The following COL21A1 variants were observed in gnomAD, a reference collection of about 807,000 sequenced individuals.
COL21A1 encodes collagen alpha-1(XXI) chain.
Under a neutral mutation model 137.9 loss-of-function variants are expected in COL21A1, and 149 were observed. That is an observed-to-expected ratio of 1.08 (90% CI 0.95 to 1.24). COL21A1 has a LOEUF of 1.24. Ranked by LOEUF, COL21A1 falls within the 50% of genes most tolerant of loss-of-function variation. The pLI is 0.00. For missense variants in COL21A1, 1,167 were observed against 1,158.4 expected (o/e 1.01, Z -0.11); for synonymous variants, 456 against 391.5 (o/e 1.16, Z -1.95).
intron 12 of COL21A1, among the ~76,000 whole-genome samples, chr6:56,137,388 A>C (rs1463182893): frequency 6.6e-6 from 1 of 152,206 alleles, no homozygotes; most frequent in Non-Finnish European, 1.5e-5. Context: ...TTTTCCTCTC[A>C]GAAAAAATAA....
At chr6:56,191,316 A>G (rs1778656145) in intron 1 of COL21A1, among the ~76,000 whole-genome samples, 1 of 151,626 alleles carries the variant, frequency 6.6e-6, no homozygotes, top group Non-Finnish European at 1.5e-5. Context: ...AATAACAGAC[A>G]AACAGAGAGC....
chr6:56,244,499 C>A (rs1433892073), intron 1 of COL21A1, among the ~76,000 whole-genome samples: 1 of 152,012 alleles, frequency 6.6e-6, no homozygotes, highest in Non-Finnish European at 1.5e-5. Context: ...AATAGAAAAC[C>A]CTATTTATAA....
At chr6:56,309,365 C>G (rs1358222168) in intron 1 of COL21A1, among the ~76,000 whole-genome samples, 1 of 152,156 alleles carries the variant, frequency 6.6e-6, no homozygotes, top group Non-Finnish European at 1.5e-5. Flanking sequence ...TCAGATCACC[C>G]TTTTTGCAGG....
chr6:56,249,831 C>T (rs141264600), upstream of COL21A1, among the ~76,000 whole-genome samples: 1,215 of 152,256 alleles, frequency 8.0e-3, 20 homozygotes, highest in African/African-American at 0.028. Flanking sequence ...CTAAAAACTA[C>T]TGAATTGTTG....
intron 17 of COL21A1, among the ~76,000 whole-genome samples, chr6:56,098,620 T>A (rs1358951877): frequency 1.2e-4 from 7 of 59,154 alleles, no homozygotes; most frequent in Admixed American, 5.5e-4. Flanking sequence ...TATATAAATA[T>A]ATATAAATAT....
chr6:56,372,657 G>A (rs1334712785), intron 1 of COL21A1, among the ~76,000 whole-genome samples: 2 of 152,108 alleles, frequency 1.3e-5, no homozygotes, highest in Admixed American at 1.3e-4. Flanking sequence ...TGGAGTGGGG[G>A]GAAAAAAGCT....
In COL21A1 at chr6:56,150,813, C is replaced by G. The variant is rs867071642; in HGVS notation, c.1434+6074G>C. 7.2e-5 allele frequency among the ~76,000 whole-genome samples: 11 copies of G among 152,294 alleles called. No homozygotes were observed. The Middle Eastern group carries it at 0.01, about 141-fold the overall frequency. Reference sequence around the variant, plus strand: ...TGGAACCATCTTCTCATTTTCCAAACAGAGAAACTGAGGCCCATAAAAGCA... The same window carrying G: ...TGGAACCATCTTCTCATTTTCCAAAGAGAGAAACTGAGGCCCATAAAAGCA... On this transcript the variant is annotated intron_variant, in intron 10 of 29. Coordinates refer to ENST00000244728, the MANE Select transcript of COL21A1 (RefSeq NM_030820.4).
At chr6:56,093,513 A>G (rs1769048500) in intron 17 of COL21A1, among the ~76,000 whole-genome samples, 1 of 147,424 alleles carries the variant, frequency 6.8e-6, no homozygotes, top group Non-Finnish European at 1.5e-5. Context: ...ATACCCATTC[A>G]AAAAGAAGAA....
At chr6:56,141,487 T>G (rs1408357082) in intron 12 of COL21A1, among the ~76,000 whole-genome samples, 1 of 152,154 alleles carries the variant, frequency 6.6e-6, no homozygotes, top group Non-Finnish European at 1.5e-5. Flanking sequence ...ACACTTTCCT[T>G]TCACATAACC....
intron 6 of COL21A1, among the ~76,000 whole-genome samples, chr6:56,167,295 T>C (rs1776661332): frequency 6.6e-6 from 1 of 152,192 alleles, no homozygotes; most frequent in East Asian, 1.9e-4. Flanking sequence ...ACTTAAAAGT[T>C]TTCCCAGGTT....
At chr6:56,390,775 C>T (rs1355663186) in intron 1 of COL21A1, among the ~76,000 whole-genome samples, 2 of 152,064 alleles carry the variant, frequency 1.3e-5, no homozygotes, top group African/African-American at 4.8e-5. Context: ...GAAGATATTA[C>T]ACTTGTAAAC....
chr6:56,102,457 C>T (rs1350044913), intron 16 of COL21A1, among the ~76,000 whole-genome samples: 1 of 151,988 alleles, frequency 6.6e-6, no homozygotes, highest in Non-Finnish European at 1.5e-5. Flanking sequence ...TGTTTCATAC[C>T]AGAAAGAACA....
intron 1 of COL21A1, among the ~76,000 whole-genome samples, chr6:56,189,747 C>T (rs1048402021): frequency 6.6e-6 from 1 of 152,178 alleles, no homozygotes; most frequent in African/African-American, 2.4e-5. Context: ...TAAACAGAAG[C>T]CCATCAGGCT....
intron 14 of COL21A1, among the ~76,000 whole-genome samples, chr6:56,124,643 T>TTTGC (rs1253463251): frequency 6.6e-6 from 1 of 151,896 alleles, no homozygotes; most frequent in Non-Finnish European, 1.5e-5. Context: ...TGTTTGTTTG[T>TTTGC]TTGTTTGTTT....
At chr6:56,373,970 G>A (rs2093994622) in intron 1 of COL21A1, among the ~76,000 whole-genome samples, 1 of 152,086 alleles carries the variant, frequency 6.6e-6, no homozygotes. Flanking sequence ...ATAAGAACCT[G>A]ACTACAAATA....
intron 17 of COL21A1, among the ~76,000 whole-genome samples, chr6:56,083,889 T>C (rs1394336034): frequency 6.6e-6 from 1 of 151,956 alleles, no homozygotes; most frequent in East Asian, 1.9e-4. Flanking sequence ...ATGTCCAATA[T>C]AAAGAAATAT....
intron 1 of COL21A1, among the ~76,000 whole-genome samples, chr6:56,201,543 G>A (rs12206617): frequency 0.073 from 11,069 of 152,020 alleles, 448 homozygotes; most frequent in Middle Eastern, 0.13. Flanking sequence ...TTTTCCCAGC[G>A]TCATTTATTA....
intron 1 of COL21A1, among the ~76,000 whole-genome samples, chr6:56,358,066 A>G (rs1298209504): frequency 1.3e-5 from 2 of 152,196 alleles, no homozygotes; most frequent in Admixed American, 1.3e-4. Flanking sequence ...TTCAATATAT[A>G]TACAATGACA....
chr6:56,302,376 C>T (rs78304483), intron 1 of COL21A1, among the ~76,000 whole-genome samples: 114,275 of 151,484 alleles, frequency 0.75, 45,094 homozygotes, highest in South Asian at 0.89. Flanking sequence ...TTCTCCACAT[C>T]CTCTCCAGCA....
Sources: gnomAD v4.1 joint callset for allele counts (sites outside exome capture counted in the v4.1 genomes callset) on GRCh38, gnomAD v4.1.1 for gene constraint, MANE v1.5 for transcripts, NCBI Gene and HGNC (gene_info 2026-07-23, HGNC 2026-07-21) for gene names.